JCAD: variants seen among roughly 807,000 people sequenced by gnomAD.
The protein encoded by JCAD is junctional cadherin 5-associated protein.
JCAD carries 40 observed loss-of-function variants against 98.0 expected under a neutral mutation model. The ratio of observed to expected loss-of-function variants is 0.41; its 90% CI spans 0.32 to 0.53. The LOEUF (loss-of-function observed/expected upper bound fraction) is 0.53, where lower values mean the gene tolerates loss of function less well. Ranked by LOEUF, JCAD falls within the 20% of genes least tolerant of loss-of-function variation. The pLI is 0.31. For synonymous variants in JCAD, 691 were observed against 682.3 expected (o/e 1.01, Z -0.20); for missense variants, 1,705 against 1,738.1 (o/e 0.98, Z 0.34).
intron 2 of JCAD, among the ~76,000 whole-genome samples, chr10:30,030,253 G>T (rs2132620619): frequency 6.6e-6 from 1 of 152,174 alleles, no homozygotes; most frequent in East Asian, 1.9e-4. Flanking sequence ...AGACCAGCCT[G>T]TGCAACATAG....
chr10:30,038,903 C>T (rs952666877), intron 2 of JCAD, among the ~76,000 whole-genome samples: 7 of 152,056 alleles, frequency 4.6e-5, no homozygotes, highest in East Asian at 3.9e-4. Flanking sequence ...AATGTGTCCC[C>T]GATGAAGGTG....
chr10:30,055,281 C>CAAAA (rs1837547741), intron 1 of JCAD, among the ~76,000 whole-genome samples: 1 of 152,178 alleles, frequency 6.6e-6, no homozygotes, highest in Non-Finnish European at 1.5e-5. Context: ...ATTGGTCCCT[C>CAAAA]AAATTGTTGG....
At chr10:30,083,168 T>C (rs1158779691) in intron 1 of JCAD, among the ~76,000 whole-genome samples, 1 of 152,190 alleles carries the variant, frequency 6.6e-6, no homozygotes, top group African/African-American at 2.4e-5. Flanking sequence ...CTTATTTTTT[T>C]TTAACCATGA....
chr10:30,090,528 G>C (rs1200239182), intron 1 of JCAD, among the ~76,000 whole-genome samples: 4 of 145,628 alleles, frequency 2.7e-5, no homozygotes, highest in African/African-American at 5.0e-5. Flanking sequence ...GTGACAGAGT[G>C]AGACTCTGTC....
chr10:30,059,972 ACAGT>A (rs1837670805), upstream of JCAD, among the ~76,000 whole-genome samples: 1 of 152,276 alleles, frequency 6.6e-6, no homozygotes, highest in Admixed American at 6.5e-5. The surrounding 1 kb of genome is among the most constrained non-coding windows in gnomAD (Gnocchi z 5.0). Flanking sequence ...AGGTGCACAC[ACAGT>A]CACAGACAAG....
chr10:30,107,791 C>T lies in JCAD; in HGVS notation n.128+7576G>A, dbSNP rs560186531. 8.5e-5 allele frequency among the ~76,000 whole-genome samples: 13 copies of T among 152,124 alleles called. No homozygotes were observed. In the South Asian group the frequency reaches 2.1e-3, roughly 24 times the overall value. On this transcript the variant is annotated intron_variant and non_coding_transcript_variant, in intron 1 of 2. Transcript: ENST00000465712. Reference sequence around the variant, plus strand: ...AAATTAATGCATGATTGAATGAAATCGGAAAACACATTATCCAAGGAAGTC... The same window carrying T: ...AAATTAATGCATGATTGAATGAAATTGGAAAACACATTATCCAAGGAAGTC...
chr10:30,112,343 A>G (rs1252868124), intron 1 of JCAD, among the ~76,000 whole-genome samples: 1 of 151,938 alleles, frequency 6.6e-6, no homozygotes, highest in Non-Finnish European at 1.5e-5. Context: ...GCTGGGTACA[A>G]CAGCATGCAC....
At position 30,029,746 on chromosome 10, in the gene JCAD, C is replaced by T; in HGVS notation, c.402G>A (p.Leu134=). ...GGGCTTGGGCCATTCCTCTGGCCTC[C>T]AGGTTTTCGTGCTCCCTCGGCTTCT... ...RSQKPREHEN[L]EARGMAQAHS... The change falls in exon 3 of 4, where the codon CTG becomes CTA. Residue 134 remains leucine (L), a synonymous_variant. Coordinates refer to ENST00000375377, the MANE Select transcript of JCAD (RefSeq NM_020848.4). 1 of 1,614,266 alleles carries T rather than the reference C, an allele frequency of 6.2e-7. No homozygotes were observed. Among genetic ancestry groups the T allele is most frequent in the Non-Finnish European group, 8.5e-7 (1 of 1,180,046 alleles).
chr10:30,051,921 T>G (rs948231725), intron 1 of JCAD, among the ~76,000 whole-genome samples: 1 of 152,238 alleles, frequency 6.6e-6, no homozygotes, highest in African/African-American at 2.4e-5. Context: ...TTTGAGAAGA[T>G]GACAGCTCAT....
chr10:30,025,897 A>C lies in JCAD; in HGVS notation c.4045+206T>G, dbSNP rs901533778. 6.1e-5 allele frequency: 40 copies of C among 650,480 alleles called. No homozygotes were observed. The East Asian group carries it at 1.1e-3, about 17-fold the overall frequency. 40.3% of individuals were successfully genotyped at this position (650,480 alleles called of 1,614,324 possible). ...CAGAGTGAGATACTATCTCAAAAAA[A>C]TAAAATATACTGCAAGATCTTGAAT... On this transcript the variant is annotated intron_variant, in intron 3 of 3. Coordinates refer to ENST00000375377, the MANE Select transcript of JCAD (RefSeq NM_020848.4).
At chr10:30,084,034 A>C (rs141212917) in intron 1 of JCAD, among the ~76,000 whole-genome samples, 9 of 151,926 alleles carry the variant, frequency 5.9e-5, no homozygotes, top group Admixed American at 6.6e-5. Context: ...AGAAAGAGAG[A>C]GAGAGAGAAA....
chr10:30,051,278 ACGCACG>A (rs780259088), intron 1 of JCAD, among the ~76,000 whole-genome samples: 396 of 91,878 alleles, frequency 4.3e-3, no homozygotes, highest in Non-Finnish European at 7.5e-3. Context: ...GCACGCACAC[ACGCACG>A]CACACACACA....
intron 2 of JCAD, among the ~76,000 whole-genome samples, chr10:30,041,958 C>T (rs1000582102): frequency 8.5e-5 from 13 of 152,150 alleles, no homozygotes; most frequent in African/African-American, 3.1e-4. Flanking sequence ...TTCCTCTTTG[C>T]CTACTTCCTC....
chr10:30,044,790 G>C (rs1298715259), intron 2 of JCAD: 1 of 971,980 alleles, frequency 1.0e-6, no homozygotes, highest in African/African-American at 1.9e-5. Context: ...CTACCTTTCT[G>C]TTTCCCTCCA....
At chr10:30,062,505 G>T (rs975931842), upstream of JCAD, among the ~76,000 whole-genome samples, 1 of 152,142 alleles carries the variant, frequency 6.6e-6, no homozygotes. Flanking sequence ...AAAGATCTGG[G>T]AATAGAATTA....
intron 1 of JCAD, among the ~76,000 whole-genome samples, chr10:30,054,198 A>G (rs1346274159): frequency 6.6e-6 from 1 of 152,234 alleles, no homozygotes; most frequent in Admixed American, 6.5e-5. Context: ...ACAGAACCCT[A>G]GATTCAATGT....
At chr10:30,103,613 TACAC>T (rs5784175) in intron 1 of JCAD, among the ~76,000 whole-genome samples, 23,381 of 97,540 alleles carry the variant, frequency 0.24, 3,453 homozygotes, top group African/African-American at 0.43. Flanking sequence ...TATGTATAAA[TACAC>T]ACACACACAC....
intron 1 of JCAD, among the ~76,000 whole-genome samples, chr10:30,056,841 T>G (rs1164057345): frequency 6.6e-6 from 1 of 152,172 alleles, no homozygotes; most frequent in Non-Finnish European, 1.5e-5. Flanking sequence ...GTTCCTGTAT[T>G]TTTCTAAACA....
intron 1 of JCAD, among the ~76,000 whole-genome samples, chr10:30,095,065 C>T (rs920120284): frequency 6.6e-6 from 1 of 152,004 alleles, no homozygotes; most frequent in African/African-American, 2.4e-5. Flanking sequence ...GTTCTGAGTC[C>T]CTTTGGTCAC....
Sources: allele counts gnomAD v4.1 joint callset (sites outside exome capture counted in the v4.1 genomes callset), GRCh38; gene constraint gnomAD v4.1.1; non-coding constraint Gnocchi (gnomAD v3.1); transcripts MANE v1.5; gene names NCBI Gene and HGNC (gene_info 2026-07-23, HGNC 2026-07-21).